The following ADAMTSL1 variants were observed in gnomAD, a reference collection of about 807,000 sequenced individuals.
The protein encoded by ADAMTSL1 is ADAMTS-like protein 1.
In ADAMTSL1, 126 loss-of-function variants were observed where a neutral mutation model predicts 201.8. The ratio of observed to expected loss-of-function variants is 0.62; its 90% CI spans 0.54 to 0.72. ADAMTSL1 has a LOEUF of 0.72. Among genes scored for constraint, ADAMTSL1 ranks in the 30% least tolerant of loss-of-function variants. ADAMTSL1 has a pLI of 0.00. For missense variants in ADAMTSL1, 2,679 were observed against 2,277.8 expected, an observed-to-expected ratio of 1.18 and a Z score of -3.59; for synonymous variants, 1,121 against 903.4, an observed-to-expected ratio of 1.24 and a Z score of -4.32.
At chr9:18,433,036 C>G (rs897398753) in intron 2 of ADAMTSL1, among the ~76,000 whole-genome samples, 1 of 152,070 alleles carries the variant, frequency 6.6e-6, no homozygotes, top group African/African-American at 2.4e-5. Context: ...CTATTTAAAT[C>G]TTTTAAAATA....
At chr9:18,120,681 A>G (rs1416552102) in intron 1 of ADAMTSL1, among the ~76,000 whole-genome samples, 1 of 152,238 alleles carries the variant, frequency 6.6e-6, no homozygotes, top group Non-Finnish European at 1.5e-5. Context: ...TAAGAAATGC[A>G]GAAATTAGTT....
chr9:18,431,636 C>T (rs988382908), intron 2 of ADAMTSL1, among the ~76,000 whole-genome samples: 1 of 152,138 alleles, frequency 6.6e-6, no homozygotes, highest in African/African-American at 2.4e-5. Flanking sequence ...CCAGCCTCTG[C>T]TTGAACATTT....
intron 2 of ADAMTSL1, among the ~76,000 whole-genome samples, chr9:18,462,960 AAAAAT>A (rs1820865194): frequency 1.3e-5 from 2 of 152,062 alleles, no homozygotes; most frequent in South Asian, 2.1e-4. Context: ...AATAAAAATA[AAAAAT>A]AAAATAAAAA....
At chr9:18,356,775 AT>A (rs1011853437) in intron 2 of ADAMTSL1, among the ~76,000 whole-genome samples, 2 of 152,126 alleles carry the variant, frequency 1.3e-5, no homozygotes, top group African/African-American at 2.4e-5. Context: ...ATCTAAGTAA[AT>A]GAAGATTTAG....
intron 1 of ADAMTSL1, among the ~76,000 whole-genome samples, chr9:18,005,991 T>C (rs965130571): frequency 3.3e-5 from 5 of 151,968 alleles, no homozygotes; most frequent in Admixed American, 2.6e-4. Flanking sequence ...ATCATGTATG[T>C]GTGAATTCCT....
chr9:17,911,699 TTATAA>T (rs1201580499), intron 1 of ADAMTSL1, among the ~76,000 whole-genome samples: 1 of 68,354 alleles, frequency 1.5e-5, no homozygotes, highest in African/African-American at 2.9e-5. Context: ...TTTATTACTA[TTATAA>T]TATAAGTTTT....
intron 1 of ADAMTSL1, among the ~76,000 whole-genome samples, chr9:18,103,830 C>G (rs1824637913): frequency 6.6e-6 from 1 of 152,158 alleles, no homozygotes; most frequent in South Asian, 2.1e-4. Context: ...GACGTGTGCT[C>G]TGTGGAGCAC....
intron 2 of ADAMTSL1, among the ~76,000 whole-genome samples, chr9:18,297,348 CTTTTTTCT>C (rs1385139685): frequency 4.3e-4 from 66 of 151,728 alleles, no homozygotes; most frequent in African/African-American, 1.5e-3. Flanking sequence ...CACCAACTAA[CTTTTTTCT>C]TTTTTTCTTT....
intron 20 of ADAMTSL1, among the ~76,000 whole-genome samples, chr9:18,812,758 T>A (rs1448484257): frequency 1.3e-5 from 2 of 152,128 alleles, no homozygotes; most frequent in African/African-American, 4.8e-5. Context: ...CCAGCACCAT[T>A]TATTGAGGAG....
rs554828306 is a variant in ADAMTSL1, at chr9:17,913,507, G to A, written c.87+6585G>A. ...AGACACAACATACCAGAATCTCTGG[G>A]ACACATTCAAAGTAGTGTGTAGAGG... is the stretch of plus-strand genomic sequence containing the variant. On this transcript the variant is annotated intron_variant, in intron 1 of 29. Coordinates refer to the ADAMTSL1 transcript ENST00000680146. Among the ~76,000 whole-genome samples, 18 of 152,204 alleles carry A rather than the reference G, an allele frequency of 1.2e-4. No individual in the cohort carries two copies. The South Asian group carries it at 3.7e-3, about 32-fold the overall frequency.
intron 2 of ADAMTSL1, among the ~76,000 whole-genome samples, chr9:18,297,325 A>G (rs1043992675): frequency 6.6e-6 from 1 of 151,562 alleles, no homozygotes; most frequent in African/African-American, 2.4e-5. Flanking sequence ...TTTACTCTCA[A>G]TGGTTAGTTC....
intron 1 of ADAMTSL1, among the ~76,000 whole-genome samples, chr9:18,122,291 A>G (rs1245354023): frequency 1.3e-5 from 2 of 152,210 alleles, no homozygotes; most frequent in African/African-American, 4.8e-5. Context: ...ATGAATAGAT[A>G]CACCATGTGG....
Position 18,859,311 on chromosome 9 carries a change from G to A in ADAMTSL1, c.4250-28520G>A, listed in dbSNP as rs530988615. ...CTTGGCTGTGGCCCTTCTCCCATCT[G>A]CAAGAATGGCAGCATAGCATCTTCA... is the stretch of plus-strand genomic sequence containing the variant. On this transcript the variant is annotated intron_variant, in intron 23 of 28. Coordinates refer to ENST00000380548, the MANE Select transcript of ADAMTSL1 (RefSeq NM_001040272.6). Among the ~76,000 whole-genome samples, 3 of 152,268 alleles carry A rather than the reference G, an allele frequency of 2.0e-5. No individual in the cohort carries two copies. The East Asian group carries it at 5.8e-4, about 29-fold the overall frequency.
At chr9:18,528,815 G>T (rs1337851360) in intron 2 of ADAMTSL1, among the ~76,000 whole-genome samples, 1 of 151,960 alleles carries the variant, frequency 6.6e-6, no homozygotes, top group Non-Finnish European at 1.5e-5. Context: ...TTTATATTGG[G>T]AGGACATATT....
chr9:18,454,383 G>C (rs1404951433), intron 2 of ADAMTSL1, among the ~76,000 whole-genome samples: 1 of 152,012 alleles, frequency 6.6e-6, no homozygotes. Flanking sequence ...CCCACATTGA[G>C]GGCAGATCTT....
intron 15 of ADAMTSL1, among the ~76,000 whole-genome samples, chr9:18,747,656 G>A (rs1819225766): frequency 6.6e-6 from 1 of 152,104 alleles, no homozygotes; most frequent in Non-Finnish European, 1.5e-5. Flanking sequence ...ACAGAATCTG[G>A]CTCATTTAAG....
At chr9:18,233,599 G>A (rs1563824821) in intron 2 of ADAMTSL1, among the ~76,000 whole-genome samples, 1 of 151,958 alleles carries the variant, frequency 6.6e-6, no homozygotes, top group Non-Finnish European at 1.5e-5. Context: ...CTGTAAAATT[G>A]CGAGGTGAGA....
chr9:18,822,596 G>C (rs1437549734), intron 21 of ADAMTSL1, among the ~76,000 whole-genome samples: 8 of 152,122 alleles, frequency 5.3e-5, no homozygotes, highest in Non-Finnish European at 1.2e-4. Context: ...GGGGGGAACA[G>C]AAACTCTTTT....
intron 23 of ADAMTSL1, among the ~76,000 whole-genome samples, chr9:18,841,794 A>G (rs1194650518): frequency 6.6e-6 from 1 of 152,052 alleles, no homozygotes; most frequent in African/African-American, 2.4e-5. Flanking sequence ...GAATTTATCC[A>G]TTTCTTCTAG....
Sources: gnomAD v4.1 joint callset for allele counts (sites outside exome capture counted in the v4.1 genomes callset) on GRCh38, gnomAD v4.1.1 for gene constraint, MANE v1.5 for transcripts, NCBI Gene and HGNC (gene_info 2026-07-23, HGNC 2026-07-21) for gene names.